NDRG1: variants seen among roughly 807,000 people sequenced by gnomAD.
NDRG1 encodes N-myc downstream regulated 1.
NDRG1 carries 32 observed loss-of-function variants against 56.9 expected under a neutral mutation model. The observed-to-expected ratio is 0.56, with a 90% CI of 0.42 to 0.76. The LOEUF (loss-of-function observed/expected upper bound fraction) is 0.76. NDRG1 is among the 30% of genes least tolerant of loss of function. The probability of loss-of-function intolerance (pLI) is 0.00; values close to 1 mark genes in which losing one functional copy is unlikely to be tolerated. For missense variants in NDRG1, 507 were observed against 545.7 expected, an observed-to-expected ratio of 0.93 and a Z score of 0.71; for synonymous variants, 211 against 204.1, an observed-to-expected ratio of 1.03 and a Z score of -0.29.
Position 133,259,239 on chromosome 8 carries a change from G to A in NDRG1, c.327-9C>T, listed in dbSNP as rs1856540959. 6.2e-7 allele frequency: 1 copy of A among 1,614,044 alleles called. No homozygotes were observed. The highest frequency in any genetic ancestry group is 2.2e-5 in the East Asian group (1 of 44,870). ...TGGAGGGGTACATGTACCTGGGGAT[G>A]ACACAGAGAAGCCATTAGTGAGCGC... On this transcript the variant is annotated splice_polypyrimidine_tract_variant and intron_variant, in intron 5 of 15. Coordinates refer to ENST00000323851, the MANE Select transcript of NDRG1 (RefSeq NM_006096.4).
At chr8:133,262,279 G>A in intron 4 of NDRG1, 112 bp from the exon 5 acceptor site, 2 of 1,375,072 alleles carry the variant, frequency 1.5e-6, no homozygotes, top group Non-Finnish European at 2.0e-6. Context: ...GAAGTAGGAA[G>A]TGAACTTAGA....
chr8:133,250,354 A>C, intron 10 of NDRG1, 86 bp downstream of exon 10: 1 of 1,206,848 alleles, frequency 8.3e-7, no homozygotes, highest in Non-Finnish European at 1.2e-6. Flanking sequence ...CTCATTTTAT[A>C]CTCTCCCTCT....
At chr8:133,242,202 G>A (rs1196843509) in intron 14 of NDRG1, 128 bp from the exon 15 acceptor site, 8 of 922,638 alleles carry the variant, frequency 8.7e-6, no homozygotes, top group Non-Finnish European at 1.4e-5. Flanking sequence ...ATCACGTGTT[G>A]ACAGGACAAA....
At chr8:133,239,181 G>A (rs1855244769) in intron 15 of NDRG1, 62 bp from the exon 16 acceptor site, 1 of 1,545,912 alleles carries the variant, frequency 6.5e-7, no homozygotes, top group African/African-American at 1.4e-5. Context: ...AGCCAGGCAT[G>A]CCCGTCCACC....
rs530585798 is a variant in NDRG1 at position 133,277,421 on chromosome 8, G to C, written c.99+2811C>G. Among the ~76,000 whole-genome samples the C allele has an allele frequency of 6.6e-5, 10 of 152,154 alleles. No homozygotes were observed. The South Asian group carries it at 2.1e-3, about 32-fold the overall frequency. ...CTACTAAAAATACAAAAATTAGCCC[G>C]GTGTGGTGGCGGGCACCTGTAATCC... On this transcript the variant is annotated intron_variant, in intron 3 of 15. Coordinates refer to ENST00000323851, the MANE Select transcript of NDRG1 (RefSeq NM_006096.4).
intron 3 of NDRG1, among the ~76,000 whole-genome samples, chr8:133,278,241 G>T (rs188241827): frequency 6.6e-6 from 1 of 152,236 alleles, no homozygotes; most frequent in Non-Finnish European, 1.5e-5. Context: ...CACAGCCACT[G>T]CATCTATTGC....
chr8:133,254,083 A>G (rs55682930), intron 9 of NDRG1, among the ~76,000 whole-genome samples: 1 of 150,036 alleles, frequency 6.7e-6, no homozygotes, highest in African/African-American at 2.5e-5. Context: ...GACCAAAAAA[A>G]AAAAAAAAAG....
At chr8:133,244,481 C>T (rs555218002) in intron 13 of NDRG1, 91 bp from the exon 14 acceptor site, 39 of 1,451,118 alleles carry the variant, frequency 2.7e-5, no homozygotes, top group East Asian at 1.4e-4. Flanking sequence ...CCCATCCGCC[C>T]GCTGCCCTGC....
intron 3 of NDRG1, among the ~76,000 whole-genome samples, chr8:133,268,654 A>G (rs1321702788): frequency 2.6e-5 from 4 of 152,146 alleles, no homozygotes; most frequent in Non-Finnish European, 5.9e-5. Flanking sequence ...TTATAGGTAA[A>G]GAAGTTGAAG....
intron 10 of NDRG1, 134 bp downstream of exon 10, chr8:133,250,306 T>G: frequency 2.4e-6 from 2 of 842,368 alleles, no homozygotes; most frequent in East Asian, 2.5e-5. Context: ...ACCTGTCCTA[T>G]TAATCTATTT....
At chr8:133,276,340 G>A (rs10956699) in intron 3 of NDRG1, among the ~76,000 whole-genome samples, 65,062 of 151,992 alleles carry the variant, frequency 0.43, 14,599 homozygotes, top group South Asian at 0.64. Flanking sequence ...AATTATCTTC[G>A]CAGGGAGCAG....
chr8:133,269,272 A>G (rs1857072157), intron 3 of NDRG1, among the ~76,000 whole-genome samples: 1 of 152,126 alleles, frequency 6.6e-6, no homozygotes, highest in Non-Finnish European at 1.5e-5. Flanking sequence ...CCAGAGCCCC[A>G]CACCCAGCTC....
At chr8:133,246,755 A>C in intron 12 of NDRG1, 92 bp from the exon 13 acceptor site, 1 of 1,150,280 alleles carries the variant, frequency 8.7e-7, no homozygotes, top group East Asian at 2.3e-5. Context: ...CCGTCACCAG[A>C]AACTCCAGTA....
chr8:133,261,728 G>A (rs1013197467), intron 5 of NDRG1, among the ~76,000 whole-genome samples: 1 of 152,190 alleles, frequency 6.6e-6, no homozygotes, highest in Admixed American at 6.5e-5. Context: ...CTTGCAGGAA[G>A]GCTGGGGGAA....
chr8:133,254,322 T>G (rs1244175211), intron 9 of NDRG1, among the ~76,000 whole-genome samples: 1 of 152,242 alleles, frequency 6.6e-6, no homozygotes, highest in Non-Finnish European at 1.5e-5. Flanking sequence ...TTAATTGTAC[T>G]TCAATCAGCT....
chr8:133,247,904 C>T lies in NDRG1; in HGVS notation c.778G>A (p.Gly260Arg), dbSNP rs1490877033. ...TLQCPALLVV[G>R]DSSPAVDAVV... ...GCATCCACTGCAGGCGAGCTGTCCC[C>T]AACCACCAACAGAGCAGGGCACCTG... Residue 260 changes from glycine to arginine, a missense_variant, in exon 12 of 16, where the codon GGG (glycine) becomes AGG (arginine). Physicochemically the swap from Gly to Arg is moderately radical, Grantham distance 125 (BLOSUM62 -2). Transcript: ENST00000323851. 6.2e-7 allele frequency: 1 copy of T among 1,614,096 alleles called. No individual in the cohort carries two copies.
In NDRG1 at chr8:133,284,868, C is replaced by A. The variant is rs1423419638; in HGVS notation, c.-18-539G>T. 2.4e-5 allele frequency: 11 copies of A among 456,366 alleles called. 1 individual carries two copies. Among genetic ancestry groups the A allele is most frequent in the South Asian group, 1.7e-4 (11 of 64,564 alleles). The allele number at this position is 456,366 out of a possible 1,614,324, so 28.3% of individuals were successfully genotyped here. ...GCATGCGCGTGAACACACATACACACCCCACGGTGCAGGACTCTCGGCTGC... is the reference window on the plus strand; with the variant it reads ...GCATGCGCGTGAACACACATACACAACCCACGGTGCAGGACTCTCGGCTGC... On this transcript the variant is annotated intron_variant, in intron 1 of 15. Transcript: ENST00000323851.
At chr8:133,247,238 C>T (rs1441435053) in intron 12 of NDRG1, among the ~76,000 whole-genome samples, 1 of 152,218 alleles carries the variant, frequency 6.6e-6, no homozygotes, top group Non-Finnish European at 1.5e-5. Context: ...TGATTATCTC[C>T]AGTCAGTCAG....
chr8:133,285,154 C>T (rs1358029780), intron 1 of NDRG1, among the ~76,000 whole-genome samples: 1 of 152,098 alleles, frequency 6.6e-6, no homozygotes, highest in Non-Finnish European at 1.5e-5. Flanking sequence ...AAGGCTTGGG[C>T]AGGTGGTGCT....
Sources: gnomAD v4.1 joint callset for allele counts (sites outside exome capture counted in the v4.1 genomes callset) on GRCh38, gnomAD v4.1.1 for gene constraint, MANE v1.5 for transcripts, NCBI Gene and HGNC (gene_info 2026-07-23, HGNC 2026-07-21) for gene names.